Variants in CYB5B observed in about 807,000 individuals in gnomAD.
CYB5B encodes cytochrome b5 type B.
A neutral mutation model predicts 21.3 loss-of-function variants in CYB5B; 14 were observed. That is an observed-to-expected ratio of 0.66 (90% CI 0.43 to 1.03). The LOEUF is 1.03. CYB5B is among the 50% of genes least tolerant of loss of function. CYB5B has a pLI of 0.00. For synonymous variants in CYB5B, 69 were observed against 68.4 expected, an observed-to-expected ratio of 1.01 and a Z score of -0.04; for missense variants, 166 against 185.1, an observed-to-expected ratio of 0.90 and a Z score of 0.60.
chr16:69,425,661 C>T (rs1049662989), intron 1 of CYB5B, among the ~76,000 whole-genome samples: 1 of 152,070 alleles, frequency 6.6e-6, no homozygotes. Flanking sequence ...AAAATGTATT[C>T]ATCCATGTTA....
At chr16:69,440,044 G>GTTT (rs1433519527) in intron 1 of CYB5B, among the ~76,000 whole-genome samples, 11 of 151,818 alleles carry the variant, frequency 7.2e-5, no homozygotes, top group Non-Finnish European at 1.5e-4. Flanking sequence ...AATTTTTTTA[G>GTTT]TTTGTTTTTA....
At chr16:69,429,246 T>C (rs1030232084) in intron 1 of CYB5B, among the ~76,000 whole-genome samples, 5 of 152,086 alleles carry the variant, frequency 3.3e-5, no homozygotes, top group African/African-American at 7.2e-5. Context: ...GCAAGATTTA[T>C]TGTGAAGAGT....
At chr16:69,429,414 T>G (rs1049407816) in intron 1 of CYB5B, among the ~76,000 whole-genome samples, 2 of 152,122 alleles carry the variant, frequency 1.3e-5, no homozygotes, top group Non-Finnish European at 2.9e-5. Flanking sequence ...AGAGTGCTGA[T>G]TGGTGCATTT....
At chr16:69,439,052 C>T (rs1286746690) in intron 1 of CYB5B, among the ~76,000 whole-genome samples, 9 of 151,992 alleles carry the variant, frequency 5.9e-5, no homozygotes, top group Non-Finnish European at 8.8e-5. Flanking sequence ...AACATTTACC[C>T]TTATGTTTTC....
chr16:69,447,187 G>A lies in CYB5B; in HGVS notation c.212G>A (p.Gly71Asp). 6.2e-7 allele frequency: 1 copy of A among 1,614,122 alleles called. No homozygotes were observed. The highest frequency in any genetic ancestry group is 1.1e-5 in the South Asian group (1 of 91,080). Reference sequence around the variant, plus strand: ...GAAGAGGTTCTGCTGGAACAAGCTGGTGTAGATGCAAGTGAAAGCTTTGAA... The same window carrying A: ...GAAGAGGTTCTGCTGGAACAAGCTGATGTAGATGCAAGTGAAAGCTTTGAA... ...GGEEVLLEQA[G>D]VDASESFEDV... Residue 71 changes from glycine (G) to aspartate (D), a missense_variant, in exon 2 of 5, where the codon GGT (glycine) becomes GAT (aspartate). Gly to Asp is a moderately conservative substitution (Grantham distance 94). Coordinates refer to ENST00000307892, the MANE Select transcript of CYB5B (RefSeq NM_030579.3).
At chr16:69,451,107 AT>A (rs36040710) in intron 3 of CYB5B, among the ~76,000 whole-genome samples, 14,537 of 151,920 alleles carry the variant, frequency 0.096, 769 homozygotes, top group South Asian at 0.19. Flanking sequence ...GTAGCAACAG[AT>A]TTTTTTTTAA....
chr16:69,445,761 C>G (rs535171146), intron 1 of CYB5B, among the ~76,000 whole-genome samples: 1 of 151,840 alleles, frequency 6.6e-6, no homozygotes, highest in African/African-American at 2.4e-5. Flanking sequence ...ATTGGGAGTT[C>G]GAGACCAACA....
intron 1 of CYB5B, among the ~76,000 whole-genome samples, chr16:69,445,956 CA>C (rs953555723): frequency 1.2e-4 from 17 of 145,254 alleles, no homozygotes; most frequent in Admixed American, 2.1e-4. Flanking sequence ...AACTCCATCT[CA>C]AAAAAAAAAA....
intron 3 of CYB5B, chr16:69,449,303 G>T (rs1193741641): frequency 6.6e-6 from 1 of 152,024 alleles, no homozygotes; most frequent in Non-Finnish European, 1.5e-5. Flanking sequence ...TTCCCTGGAG[G>T]TAACCAGCCA....
chr16:69,459,723 A>G (rs1363724671), intron 4 of CYB5B, among the ~76,000 whole-genome samples: 1 of 152,230 alleles, frequency 6.6e-6, no homozygotes. Context: ...TGGAGATTAT[A>G]TAGAGCTAGC....
chr16:69,459,085 T>TTA lies in CYB5B; in HGVS notation c.334-8_334-7insTA. The TTA allele has an allele frequency of 6.3e-7, 1 of 1,588,818 alleles. No homozygotes were observed. The highest frequency in any genetic ancestry group is 1.2e-5 in the South Asian group (1 of 85,220). On this transcript the variant is annotated splice_region_variant and splice_polypyrimidine_tract_variant and intron_variant, in intron 3 of 4. Coordinates refer to ENST00000307892, the MANE Select transcript of CYB5B (RefSeq NM_030579.3). ...TTATTTTTGAATTTTTTTTTTTTTT[T>TTA]ATTTCAGGACCCTTCAAAAAATGAT... is the stretch of plus-strand genomic sequence containing the variant.
intron 1 of CYB5B, among the ~76,000 whole-genome samples, chr16:69,430,673 CT>C (rs35661961): frequency 0.68 from 86,140 of 127,476 alleles, 27,446 homozygotes; most frequent in African/African-American, 0.75. Flanking sequence ...TATTTTAAAA[CT>C]TTTTTTTTTT....
chr16:69,445,880 C>T (rs1276871959), intron 1 of CYB5B, among the ~76,000 whole-genome samples: 6 of 152,132 alleles, frequency 3.9e-5, no homozygotes, highest in Admixed American at 1.3e-4. Flanking sequence ...CGCTTGAACC[C>T]GGGTGGCAGA....
intron 3 of CYB5B, among the ~76,000 whole-genome samples, chr16:69,450,844 T>A (rs1228624475): frequency 6.6e-6 from 1 of 152,176 alleles, no homozygotes; most frequent in Non-Finnish European, 1.5e-5. Context: ...TTCCTTCTTC[T>A]CCTTCTTCTA....
chr16:69,464,519 A>G lies in CYB5B; in HGVS notation c.*1999A>G, dbSNP rs2015067904. 6.6e-6 allele frequency: 1 copy of G among 152,260 alleles called. No individual in the cohort carries two copies. Among genetic ancestry groups the G allele is most frequent in the African/African-American group, 2.4e-5 (1 of 41,472 alleles). The allele number at this position is 152,260 out of a possible 1,614,324, so 9.4% of individuals were successfully genotyped here. A position where few individuals can be genotyped will look rare whatever the true frequency, so the allele number is the denominator to read the frequency against. Reference sequence around the variant, plus strand: ...TATTGGAGTACATTGGGGTAAAAGTAAAGAACAGAGGAGTATTGAGGAGCT... The same window carrying G: ...TATTGGAGTACATTGGGGTAAAAGTGAAGAACAGAGGAGTATTGAGGAGCT... On this transcript the variant is annotated 3_prime_UTR_variant, in exon 5 of 5. Coordinates refer to ENST00000307892, the MANE Select transcript of CYB5B (RefSeq NM_030579.3).
intron 4 of CYB5B, 116 bp downstream of exon 4, chr16:69,459,237 T>G: frequency 7.6e-7 from 1 of 1,316,528 alleles, no homozygotes; most frequent in Non-Finnish European, 1.0e-6. Context: ...CTAATTCTTT[T>G]TTGGCCCAAA....
Position 69,447,230 on chromosome 16 carries a change from T to C in CYB5B, c.255T>C (p.Ser85=), listed in dbSNP as rs1291207062. 1 of 1,613,966 alleles carries C rather than the reference T, an allele frequency of 6.2e-7. No homozygotes were observed. The highest frequency in any genetic ancestry group is 1.3e-5 in the African/African-American group (1 of 74,932). The change falls in exon 2 of 5, where the codon TCT becomes TCC. Residue 85 remains serine, a synonymous_variant. Coordinates refer to ENST00000307892, the MANE Select transcript of CYB5B (RefSeq NM_030579.3). The stretch of plus-strand genomic sequence containing the variant: ...GCTTTGAAGATGTAGGACACTCTTC[T>C]GATGCCAGAGAAATGCTAAAGCAGT... The part of the protein sequence containing the change: ...SESFEDVGHS[S]DAREMLKQYY...
intron 1 of CYB5B, among the ~76,000 whole-genome samples, chr16:69,446,646 C>T (rs1300694427): frequency 6.6e-6 from 1 of 152,162 alleles, no homozygotes; most frequent in East Asian, 1.9e-4. Flanking sequence ...TAATTTGAAA[C>T]AATTTCAAAG....
chr16:69,451,746 T>C (rs1283460094), intron 3 of CYB5B, among the ~76,000 whole-genome samples: 4 of 151,146 alleles, frequency 2.6e-5, no homozygotes, highest in Non-Finnish European at 5.9e-5. Context: ...GGTCAGGAGA[T>C]AGAGCCCATC....
Sources: allele counts gnomAD v4.1 joint callset (sites outside exome capture counted in the v4.1 genomes callset), GRCh38; gene constraint gnomAD v4.1.1; transcripts MANE v1.5; gene names NCBI Gene and HGNC (gene_info 2026-07-23, HGNC 2026-07-21).